The following TRAF3 variants were observed in gnomAD, a reference collection of about 807,000 sequenced individuals.
The protein encoded by TRAF3 is TNF receptor associated factor 3.
TRAF3 carries 13 observed loss-of-function variants against 62.3 expected under a neutral mutation model. That is an observed-to-expected ratio of 0.21 (90% CI 0.14 to 0.33). The LOEUF is 0.33. Among genes scored for constraint, TRAF3 ranks in the 10% least tolerant of loss-of-function variants. TRAF3 has a pLI of 1.00. For synonymous variants in TRAF3, 269 were observed against 283.4 expected (o/e 0.95, Z 0.51); for missense variants, 440 against 741.8 (o/e 0.59, Z 4.73).
At chr14:102,837,001 C>G (rs1050586024) in intron 2 of TRAF3, among the ~76,000 whole-genome samples, 11 of 152,156 alleles carry the variant, frequency 7.2e-5, no homozygotes, top group South Asian at 2.1e-4. Flanking sequence ...TCCTTCCATT[C>G]TCCCCTTGCT....
chr14:102,788,868 G>A (rs1157814306), intron 1 of TRAF3, among the ~76,000 whole-genome samples: 2 of 152,214 alleles, frequency 1.3e-5, no homozygotes, highest in Non-Finnish European at 2.9e-5. Context: ...CTACTCCAGA[G>A]GCTGAGGCAG....
intron 2 of TRAF3, among the ~76,000 whole-genome samples, chr14:102,842,979 G>C (rs1458277211): frequency 6.6e-6 from 1 of 152,074 alleles, no homozygotes; most frequent in African/African-American, 2.4e-5. Flanking sequence ...AGGCCGAGGT[G>C]GGCGAATCAC....
chr14:102,840,195 T>TG (rs1886294349), intron 2 of TRAF3, among the ~76,000 whole-genome samples: 1 of 152,026 alleles, frequency 6.6e-6, no homozygotes, highest in Non-Finnish European at 1.5e-5. Flanking sequence ...TCAAATTTGA[T>TG]GCAAAAAAAA....
chr14:102,852,076 GA>G (rs937063752), intron 2 of TRAF3, among the ~76,000 whole-genome samples: 1 of 151,138 alleles, frequency 6.6e-6, no homozygotes, highest in Admixed American at 6.6e-5. Context: ...AACCTCAAAA[GA>G]AAAAAAAGAA....
At chr14:102,799,073 G>T (rs1334044685) in intron 1 of TRAF3, among the ~76,000 whole-genome samples, 1 of 152,150 alleles carries the variant, frequency 6.6e-6, no homozygotes, top group Non-Finnish European at 1.5e-5. Context: ...ACCAGGCTGG[G>T]GTACATACAT....
chr14:102,802,469 TTTCAA>T, intron 1 of TRAF3, among the ~76,000 whole-genome samples: 1 of 144,066 alleles, frequency 6.9e-6, no homozygotes, highest in African/African-American at 2.5e-5. Flanking sequence ...TTTAAAGACA[TTTCAA>T]GCCAAGAGCA....
intron 1 of TRAF3, among the ~76,000 whole-genome samples, chr14:102,801,161 G>A (rs987024697): frequency 7.9e-5 from 12 of 152,100 alleles, no homozygotes; most frequent in African/African-American, 1.2e-4. Context: ...ACGAGACTCC[G>A]TGTCTTCTCA....
rs1012889402 is a variant in TRAF3, at chr14:102,905,256, T to C, written c.1179T>C (p.Ser393=). 1.9e-6 allele frequency: 3 copies of C among 1,613,868 alleles called. No homozygotes were observed. The highest frequency in any genetic ancestry group is 2.7e-5 in the African/African-American group (2 of 74,874). ...TGAGCCGGCATGACCAGATGCTGAG[T>C]GTGCACGACATCCGCCTAGCCGACA... ...SQLSRHDQML[S]VHDIRLADMD... Residue 393 remains serine, a synonymous_variant, in exon 12 of 12, where the codon AGT becomes AGC. Transcript: ENST00000392745.
chr14:102,820,595 TATATATATATATATATA>T (rs1230261228), intron 1 of TRAF3, among the ~76,000 whole-genome samples: 93 of 8,578 alleles, frequency 0.011, no homozygotes, highest in Non-Finnish European at 0.018. Flanking sequence ...TATATATATA[TATATATATATATATATA>T]TATTTTTTTT....
chr14:102,847,761 A>T (rs1037250777), intron 2 of TRAF3, among the ~76,000 whole-genome samples: 5 of 152,196 alleles, frequency 3.3e-5, no homozygotes, highest in Admixed American at 3.3e-4. Flanking sequence ...ATTTTAAAAC[A>T]TCCTGAACAT....
intron 2 of TRAF3, among the ~76,000 whole-genome samples, chr14:102,863,862 A>C (rs536734530): frequency 6.6e-6 from 1 of 152,188 alleles, no homozygotes; most frequent in Non-Finnish European, 1.5e-5. Flanking sequence ...CCAGTCTTCC[A>C]GGGACTCAGT....
At position 102,868,267 on chromosome 14, in the gene TRAF3, C is replaced by G. The variant is rs140773493; in HGVS notation, c.-17-1918C>G. Among the ~76,000 whole-genome samples the G allele has an allele frequency of 3.6e-3, 554 of 152,304 alleles. 4 individuals are homozygous for G. Among genetic ancestry groups the G allele is most frequent in the African/African-American group, 0.012 (508 of 41,554 alleles). On this transcript the variant is annotated intron_variant, in intron 2 of 11. Transcript: ENST00000392745. ...ATGGAGGAGGCATGGAGGTGGGAAA[C>G]TCTACACAAGAAAAATCCTATAGTG... is the stretch of plus-strand genomic sequence containing the variant.
intron 6 of TRAF3, among the ~76,000 whole-genome samples, chr14:102,878,641 A>G (rs1309007323): frequency 6.6e-6 from 1 of 152,212 alleles, no homozygotes; most frequent in East Asian, 1.9e-4. Context: ...AGTTCCATGA[A>G]TAAAAATCAG....
chr14:102,792,284 C>T (rs1489994015), intron 1 of TRAF3, among the ~76,000 whole-genome samples: 3 of 151,838 alleles, frequency 2.0e-5, no homozygotes, highest in Admixed American at 6.6e-5. Flanking sequence ...CAAGCTGCCA[C>T]ACCCTGCTAA....
At chr14:102,845,979 TCA>T (rs1491464919) in intron 2 of TRAF3, among the ~76,000 whole-genome samples, 1 of 29,852 alleles carries the variant, frequency 3.3e-5, no homozygotes, top group African/African-American at 2.0e-4. Context: ...CGACCGTGTC[TCA>T]AAAAAAAAAA....
intron 3 of TRAF3, 100 bp from the exon 4 acceptor site, chr14:102,871,817 C>G (rs878996492): frequency 6.4e-6 from 7 of 1,086,758 alleles, no homozygotes; most frequent in Non-Finnish European, 1.0e-5. Flanking sequence ...CTGTGAGCCA[C>G]TGTGCAGACC....
At position 102,910,214 on chromosome 14, in the gene TRAF3, T is replaced by TGAGG. The variant is rs1890793747; in HGVS notation, c.*4431_*4432insAGGG. The TGAGG allele has an allele frequency of 6.6e-6, 1 of 152,222 alleles. No homozygotes were observed. Among genetic ancestry groups the TGAGG allele is most frequent in the Admixed American group, 6.5e-5 (1 of 15,282 alleles). The allele number at this position is 152,222 out of a possible 1,614,324, so 9.4% of individuals were successfully genotyped here. ...ACTCCTCCCTCTACTGGGGGTAATT[T>TGAGG]GTGTGTCAGAAGGGCTCTGGCAGAG... On this transcript the variant is annotated 3_prime_UTR_variant, in exon 12 of 12. Coordinates refer to ENST00000392745, the MANE Select transcript of TRAF3 (RefSeq NM_145725.3).
At chr14:102,874,984 T>C (rs1403046272) in intron 4 of TRAF3, among the ~76,000 whole-genome samples, 1 of 152,220 alleles carries the variant, frequency 6.6e-6, no homozygotes, top group African/African-American at 2.4e-5. Context: ...GGGAAATCTT[T>C]TCATTATTAG....
At chr14:102,797,140 T>G (rs983932514) in intron 1 of TRAF3, among the ~76,000 whole-genome samples, 3 of 152,242 alleles carry the variant, frequency 2.0e-5, no homozygotes, top group Admixed American at 2.0e-4. Flanking sequence ...GTCTCCTCTC[T>G]GTGTTCTGCA....
Sources: gnomAD v4.1 joint callset for allele counts (sites outside exome capture counted in the v4.1 genomes callset) on GRCh38, gnomAD v4.1.1 for gene constraint, MANE v1.5 for transcripts, NCBI Gene and HGNC (gene_info 2026-07-23, HGNC 2026-07-21) for gene names.